Variants in WDPCP observed in about 807,000 individuals in gnomAD.
WDPCP encodes WD repeat containing planar cell polarity effector.
WDPCP carries 71 observed loss-of-function variants against 93.1 expected under a neutral mutation model. The ratio of observed to expected loss-of-function variants is 0.76; its 90% CI spans 0.63 to 0.93. The LOEUF is 0.93. Ranked by LOEUF, WDPCP falls within the 40% of genes least tolerant of loss-of-function variation. The pLI is 0.00. For synonymous variants in WDPCP, 315 were observed against 315.0 expected (o/e 1.00, Z 0.00); for missense variants, 844 against 887.4 (o/e 0.95, Z 0.62).
At chr2:63,170,664 T>A (rs935852817) in intron 15 of WDPCP, among the ~76,000 whole-genome samples, 1 of 152,330 alleles carries the variant, frequency 6.6e-6, no homozygotes, top group African/African-American at 2.4e-5. Flanking sequence ...TACAGTTTTC[T>A]TTGACATCAT....
rs927689312 is a variant in WDPCP, at chr2:63,802,532, A to AT, written n.308+11089dup. On this transcript the variant is annotated intron_variant and non_coding_transcript_variant, in intron 2 of 4. Coordinates refer to the WDPCP transcript ENST00000467687. ...CTGTCCTAAAGAACTACCTTGCTGG[A>AT]TTTTTTCTAGCTGTGACTGAAAGTA... 1.1e-4 allele frequency among the ~76,000 whole-genome samples: 17 copies of AT among 152,108 alleles called. 1 individual carries two copies. The highest frequency in any genetic ancestry group is 7.9e-4 in the Admixed American group (12 of 15,286).
intron 13 of WDPCP, among the ~76,000 whole-genome samples, chr2:63,300,059 G>A (rs1286707962): frequency 6.6e-6 from 1 of 152,034 alleles, no homozygotes; most frequent in African/African-American, 2.4e-5. Flanking sequence ...CATCATACCT[G>A]ATGGAACCAA....
intron 3 of WDPCP, among the ~76,000 whole-genome samples, chr2:63,648,264 T>G (rs138917232): frequency 5.9e-5 from 9 of 152,320 alleles, no homozygotes; most frequent in African/African-American, 1.7e-4. Context: ...ATCTAGCCAC[T>G]CTAACTCCAA....
intron 14 of WDPCP, among the ~76,000 whole-genome samples, chr2:63,187,322 A>G (rs891687907): frequency 1.3e-5 from 2 of 152,016 alleles, no homozygotes; most frequent in African/African-American, 4.8e-5. Flanking sequence ...CATTTAGCCA[A>G]TATGTCTTTT....
intron 3 of WDPCP, among the ~76,000 whole-genome samples, chr2:63,596,757 T>C (rs898732999): frequency 3.9e-5 from 6 of 152,238 alleles, no homozygotes; most frequent in South Asian, 4.1e-4. Context: ...CGATGACTTA[T>C]GTTCTTTAGT....
intron 2 of WDPCP, among the ~76,000 whole-genome samples, chr2:63,739,135 T>C (rs1399814319): frequency 2.6e-5 from 4 of 152,166 alleles, no homozygotes; most frequent in African/African-American, 9.6e-5. Context: ...ATCACCCCAG[T>C]ATTAAGTCCA....
intron 1 of WDPCP, among the ~76,000 whole-genome samples, chr2:63,509,127 C>T (rs963378352): frequency 1.4e-4 from 21 of 152,194 alleles, no homozygotes; most frequent in African/African-American, 4.6e-4. Context: ...CAACAGAATA[C>T]ACATTCTTCT....
At chr2:63,304,154 A>ATAAAT (rs1352814415) in intron 13 of WDPCP, among the ~76,000 whole-genome samples, 1 of 152,196 alleles carries the variant, frequency 6.6e-6, no homozygotes, top group Non-Finnish European at 1.5e-5. Flanking sequence ...CCAAAGGAAA[A>ATAAAT]TAAATTATTA....
At chr2:63,583,744 G>A (rs563051099) in intron 1 of WDPCP, among the ~76,000 whole-genome samples, 1 of 151,792 alleles carries the variant, frequency 6.6e-6, no homozygotes, top group Admixed American at 6.6e-5. Context: ...CTAGTGTCAT[G>A]AGTGACTGTA....
chr2:63,343,708 T>G (rs1689005254), intron 12 of WDPCP, among the ~76,000 whole-genome samples: 1 of 152,212 alleles, frequency 6.6e-6, no homozygotes, highest in Non-Finnish European at 1.5e-5. Context: ...TCTTCATTTT[T>G]AAAATTTTTA....
intron 1 of WDPCP, among the ~76,000 whole-genome samples, chr2:63,542,038 A>G (rs901305232): frequency 6.6e-6 from 1 of 152,194 alleles, no homozygotes; most frequent in Non-Finnish European, 1.5e-5. Context: ...CTATATAGCT[A>G]AGGAGTTGAG....
chr2:63,212,639 G>T (rs1226208354), intron 14 of WDPCP, among the ~76,000 whole-genome samples: 2 of 152,052 alleles, frequency 1.3e-5, no homozygotes, highest in African/African-American at 4.8e-5. Flanking sequence ...CATGTAAATG[G>T]ACTAAATGCC....
intron 2 of WDPCP, chr2:63,717,556 C>T: frequency 2.0e-6 from 1 of 509,802 alleles, no homozygotes; most frequent in Admixed American, 2.0e-5. Context: ...GCCATGCAGT[C>T]TTCTAAGGAA....
intron 1 of WDPCP, among the ~76,000 whole-genome samples, chr2:63,558,339 C>A (rs1330232572): frequency 1.3e-5 from 2 of 151,802 alleles, no homozygotes; most frequent in Non-Finnish European, 2.9e-5. Flanking sequence ...ACCAGCCTGG[C>A]CAACACAGGG....
chr2:63,286,252 G>A (rs1321294762), intron 13 of WDPCP, among the ~76,000 whole-genome samples: 1 of 152,166 alleles, frequency 6.6e-6, no homozygotes, highest in Non-Finnish European at 1.5e-5. Flanking sequence ...CCTGTGACCT[G>A]CACATATACA....
At chr2:63,807,619 TA>T (rs1211711075) in intron 2 of WDPCP, among the ~76,000 whole-genome samples, 1 of 152,198 alleles carries the variant, frequency 6.6e-6, no homozygotes, top group African/African-American at 2.4e-5. Flanking sequence ...TAAATAAATA[TA>T]AAACACTTTT....
chr2:63,159,865 C>T lies in WDPCP; in HGVS notation c.2079-6291G>A, dbSNP rs143811022. On this transcript the variant is annotated intron_variant, in intron 15 of 17. Coordinates refer to ENST00000272321, the MANE Select transcript of WDPCP (RefSeq NM_015910.7). Reference sequence around the variant, plus strand: ...CACACATGCATACCTTGGGGTAAGCCCTGGAGTTTATAAACAATTTAATGG... The same window carrying T: ...CACACATGCATACCTTGGGGTAAGCTCTGGAGTTTATAAACAATTTAATGG... Among the ~76,000 whole-genome samples, 598 of 152,154 alleles carry T rather than the reference C, an allele frequency of 3.9e-3. 5 individuals carry two copies. Among genetic ancestry groups the T allele is most frequent in the Middle Eastern group, 0.034 (10 of 294 alleles).
At chr2:63,461,505 C>T (rs1159088850) in intron 6 of WDPCP, among the ~76,000 whole-genome samples, 6 of 152,086 alleles carry the variant, frequency 3.9e-5, no homozygotes, top group East Asian at 1.9e-4. Context: ...TGCATAACCA[C>T]GAGCCAATTA....
chr2:63,408,064 G>A (rs771594671), intron 9 of WDPCP, among the ~76,000 whole-genome samples: 1 of 152,132 alleles, frequency 6.6e-6, no homozygotes, highest in Non-Finnish European at 1.5e-5. Flanking sequence ...CGAAGAAAAC[G>A]GGGTAAAAAG....
Sources: gnomAD v4.1 joint callset for allele counts (sites outside exome capture counted in the v4.1 genomes callset) on GRCh38, gnomAD v4.1.1 for gene constraint, MANE v1.5 for transcripts, NCBI Gene and HGNC (gene_info 2026-07-23, HGNC 2026-07-21) for gene names.